Variants in ADAMTS16 observed in about 807,000 individuals in gnomAD.
ADAMTS16 encodes ADAM metallopeptidase with thrombospondin type 1 motif 16.
A neutral mutation model predicts 145.8 loss-of-function variants in ADAMTS16; 94 were observed. The ratio of observed to expected loss-of-function variants is 0.64; its 90% CI spans 0.55 to 0.77. The LOEUF (loss-of-function observed/expected upper bound fraction) is 0.77, where lower values mean the gene tolerates loss of function less well. Among genes scored for constraint, ADAMTS16 ranks in the 30% least tolerant of loss-of-function variants. ADAMTS16 has a pLI of 0.00. For missense variants in ADAMTS16, 1,585 were observed against 1,591.5 expected (o/e 1.00, Z 0.07); for synonymous variants, 659 against 604.3 (o/e 1.09, Z -1.33).
At chr5:5,214,004 C>T (rs925888460) in intron 10 of ADAMTS16, among the ~76,000 whole-genome samples, 8 of 152,258 alleles carry the variant, frequency 5.3e-5, no homozygotes, top group African/African-American at 1.9e-4. Context: ...CCTCTGCATC[C>T]TCCAGTCAGT....
chr5:5,149,254 G>C (rs917999499), intron 3 of ADAMTS16, among the ~76,000 whole-genome samples: 1 of 152,060 alleles, frequency 6.6e-6, no homozygotes, highest in Non-Finnish European at 1.5e-5. Context: ...TGGAAAAAGG[G>C]TCCCTGTTAT....
chr5:5,308,744 T>A (rs1740291856), intron 21 of ADAMTS16, among the ~76,000 whole-genome samples: 1 of 151,726 alleles, frequency 6.6e-6, no homozygotes, highest in South Asian at 2.1e-4. Flanking sequence ...AGGTCAGGAG[T>A]TTGAGACCAG....
intron 17 of ADAMTS16, among the ~76,000 whole-genome samples, chr5:5,258,394 C>A (rs2126421801): frequency 6.6e-6 from 1 of 152,346 alleles, no homozygotes; most frequent in African/African-American, 2.4e-5. Flanking sequence ...CCAGCATCAG[C>A]AGTAGCAACT....
intron 18 of ADAMTS16, among the ~76,000 whole-genome samples, chr5:5,279,794 G>A (rs778441279): frequency 5.3e-5 from 8 of 151,334 alleles, no homozygotes; most frequent in Non-Finnish European, 8.8e-5. Context: ...TTATTTTTTG[G>A]TCTTTGTTTC....
chr5:5,211,231 C>G (rs944627120), intron 10 of ADAMTS16, among the ~76,000 whole-genome samples: 5 of 152,054 alleles, frequency 3.3e-5, no homozygotes, highest in African/African-American at 1.2e-4. Flanking sequence ...TTTGTAATTA[C>G]TGATTCAACT....
At chr5:5,232,598 C>CTA in intron 12 of ADAMTS16, 82 bp downstream of exon 12, 9 of 1,241,534 alleles carry the variant, frequency 7.2e-6, no homozygotes, top group Non-Finnish European at 8.6e-6. Flanking sequence ...TGTGTCTCAG[C>CTA]TCTTTTTTTT....
In ADAMTS16 at chr5:5,320,174, T is replaced by C; in HGVS notation, c.*1036T>C. Reference sequence around the variant, plus strand: ...TTAGGGTGGGAATCTGCCCGGCGTCTCTGGCACCCTCCCTGCCATCCTCAG... The same window carrying C: ...TTAGGGTGGGAATCTGCCCGGCGTCCCTGGCACCCTCCCTGCCATCCTCAG... On this transcript the variant is annotated 3_prime_UTR_variant, in exon 23 of 23. Coordinates refer to ENST00000274181, the MANE Select transcript of ADAMTS16 (RefSeq NM_139056.4). The surrounding 1 kb of genome is among the most constrained non-coding windows in gnomAD (Gnocchi z 5.1). 1 of 314,136 alleles carries C rather than the reference T, an allele frequency of 3.2e-6. No individual in the cohort carries two copies. The highest frequency in any genetic ancestry group is 6.0e-6 in the Non-Finnish European group (1 of 165,850). The allele number at this position is 314,136 out of a possible 1,614,324, so 19.5% of individuals were successfully genotyped here.
At chr5:5,160,124 T>C (rs144203845) in intron 3 of ADAMTS16, among the ~76,000 whole-genome samples, 36 of 152,218 alleles carry the variant, frequency 2.4e-4, no homozygotes, top group African/African-American at 7.0e-4. Flanking sequence ...CTTGGGTGAG[T>C]AAATATTGAA....
intron 16 of ADAMTS16, among the ~76,000 whole-genome samples, chr5:5,241,237 T>A (rs2126389742): frequency 6.6e-6 from 1 of 152,188 alleles, no homozygotes; most frequent in African/African-American, 2.4e-5. Context: ...TGTCAACAGG[T>A]TATGGTGAGT....
chr5:5,215,036 A>C (rs914167083), intron 10 of ADAMTS16, among the ~76,000 whole-genome samples: 1 of 152,188 alleles, frequency 6.6e-6, no homozygotes, highest in Non-Finnish European at 1.5e-5. Flanking sequence ...AAATATGCTA[A>C]TCTAGATGAT....
At chr5:5,182,871 GC>G (rs1312183337) in intron 4 of ADAMTS16, among the ~76,000 whole-genome samples, 1 of 152,156 alleles carries the variant, frequency 6.6e-6, no homozygotes, top group Non-Finnish European at 1.5e-5. Context: ...GAAGTTGGGT[GC>G]TTTCTGGAAT....
chr5:5,240,939 C>T (rs1411350313), intron 16 of ADAMTS16, among the ~76,000 whole-genome samples: 1 of 152,156 alleles, frequency 6.6e-6, no homozygotes, highest in Non-Finnish European at 1.5e-5. Context: ...GAGAAAGATG[C>T]CTCCGGGTTG....
Position 5,146,176 on chromosome 5 carries a change from C to T in ADAMTS16, c.222C>T (p.Tyr74=), listed in dbSNP as rs773029702. Residue 74 remains tyrosine (Y), a synonymous_variant, in exon 3 of 23, where the codon TAC becomes TAT. Coordinates refer to ENST00000274181, the MANE Select transcript of ADAMTS16 (RefSeq NM_139056.4). The part of the protein sequence containing the change: ...SAYEVDHRGD[Y]VSHEIMHHQR... ...ACGAGGTTGACCACAGGGGCGATTA[C>T]GTGTCCCATGAAATCATGCACCATC... is the stretch of plus-strand genomic sequence containing the variant. 6 of 1,614,058 alleles carry T rather than the reference C, an allele frequency of 3.7e-6. No homozygotes were observed. The highest frequency in any genetic ancestry group is 2.2e-5 in the East Asian group (1 of 44,890).
chr5:5,272,650 C>T (rs1738529465), intron 18 of ADAMTS16, among the ~76,000 whole-genome samples: 1 of 152,180 alleles, frequency 6.6e-6, no homozygotes, highest in African/African-American at 2.4e-5. Flanking sequence ...CAGGCGTGAG[C>T]CACTGCCCCC....
chr5:5,262,838 C>A (rs540781759), intron 18 of ADAMTS16, 55 bp downstream of exon 18: 4 of 1,597,670 alleles, frequency 2.5e-6, no homozygotes, highest in Middle Eastern at 1.7e-4. Context: ...ACGTGCTCAG[C>A]GAGTCTTGCA....
intron 18 of ADAMTS16, among the ~76,000 whole-genome samples, chr5:5,271,159 A>G (rs1019479836): frequency 1.3e-5 from 2 of 152,268 alleles, no homozygotes; most frequent in African/African-American, 4.8e-5. Flanking sequence ...CTCAGCACCC[A>G]GAGGCCGTCC....
At chr5:5,258,681 G>C (rs1476979188) in intron 17 of ADAMTS16, among the ~76,000 whole-genome samples, 5 of 152,156 alleles carry the variant, frequency 3.3e-5, no homozygotes, top group African/African-American at 7.2e-5. Context: ...GGATGGTCCT[G>C]GGGAGTCAGA....
chr5:5,193,166 C>T (rs375836719), intron 8 of ADAMTS16, among the ~76,000 whole-genome samples: 22,541 of 135,156 alleles, frequency 0.17, 1,827 homozygotes, highest in African/African-American at 0.25. Context: ...TGTGTGTGCG[C>T]GCGCGCACAT....
chr5:5,155,986 C>T (rs2126519076), intron 3 of ADAMTS16, among the ~76,000 whole-genome samples: 1 of 152,180 alleles, frequency 6.6e-6, no homozygotes, highest in African/African-American at 2.4e-5. Flanking sequence ...AACAGGAAGC[C>T]CAATGGGACA....
Sources: gnomAD v4.1 joint callset for allele counts (sites outside exome capture counted in the v4.1 genomes callset) on GRCh38, gnomAD v4.1.1 for gene constraint, Gnocchi (gnomAD v3.1) non-coding constraint, MANE v1.5 for transcripts, NCBI Gene and HGNC (gene_info 2026-07-23, HGNC 2026-07-21) for gene names.